BNIP3L: variants seen among roughly 807,000 people sequenced by gnomAD.
BNIP3L encodes the protein BCL2/adenovirus E1B 19 kDa protein-interacting protein 3-like.
A neutral mutation model predicts 25.5 loss-of-function variants in BNIP3L; 10 were observed. The observed-to-expected ratio is 0.39, with a 90% CI of 0.24 to 0.67. BNIP3L has a LOEUF of 0.67. Among genes scored for constraint, BNIP3L ranks in the 30% least tolerant of loss-of-function variants. The pLI is 0.45. For missense variants in BNIP3L, 215 were observed against 270.9 expected (o/e 0.79, Z 1.45); for synonymous variants, 113 against 101.2 (o/e 1.12, Z -0.70).
At position 26,412,639 on chromosome 8, in the gene BNIP3L, A is replaced by G. The variant is rs1372064328; in HGVS notation, c.*2227A>G. On this transcript the variant is annotated 3_prime_UTR_variant, in exon 6 of 6. Coordinates refer to ENST00000380629, the MANE Select transcript of BNIP3L (RefSeq NM_004331.3). ...TAGTATGTATCTGTAGCCCTAACAC[A>G]TGGGATGAACGTTTTACTGCTACAC... The G allele has an allele frequency of 1.3e-5, 2 of 152,636 alleles. No individual in the cohort carries two copies. The highest frequency in any genetic ancestry group is 2.4e-5 in the African/African-American group (1 of 41,466). 9.5% of individuals were successfully genotyped at this position (152,636 alleles called of 1,614,324 possible). A position where few individuals can be genotyped will look rare whatever the true frequency, so the allele number is the denominator to read the frequency against.
At position 26,411,842 on chromosome 8, in the gene BNIP3L, T is replaced by C. The variant is rs1261815473; in HGVS notation, c.*1430T>C. The C allele has an allele frequency of 6.6e-6, 1 of 152,602 alleles. No individual in the cohort carries two copies. The highest frequency in any genetic ancestry group is 1.5e-5 in the Non-Finnish European group (1 of 68,032). 9.5% of individuals were successfully genotyped at this position (152,602 alleles called of 1,614,324 possible). ...ACTGTTTATGATATAGACATTGATA[T>C]TGACTATTTAGAGAACCGTTGTTAA... On this transcript the variant is annotated 3_prime_UTR_variant, in exon 6 of 6. Transcript: ENST00000380629.
At position 26,386,368 on chromosome 8, in the gene BNIP3L, A is replaced by G. The variant is rs76317669; in HGVS notation, c.100+3138A>G. On this transcript the variant is annotated intron_variant, in intron 1 of 5. Transcript: ENST00000380629. ...AAGGAAAATCAAAGTAGTAGTGTAA[A>G]TCGTAGTATAATTCTTGTTGTTGAG... Among the ~76,000 whole-genome samples, 918 of 152,270 alleles carry G rather than the reference A, an allele frequency of 6.0e-3. 6 individuals are homozygous for G. The highest frequency in any genetic ancestry group is 0.02 in the African/African-American group (851 of 41,564).
chr8:26,386,105 G>A (rs2117462571), intron 1 of BNIP3L, among the ~76,000 whole-genome samples: 1 of 152,272 alleles, frequency 6.6e-6, no homozygotes, highest in African/African-American at 2.4e-5. Context: ...TTTATCTTTG[G>A]TTCAGGGGTC....
chr8:26,383,488 A>C, intron 1 of BNIP3L: 1 of 1,159,760 alleles, frequency 8.6e-7, no homozygotes, highest in Non-Finnish European at 1.1e-6. Context: ...GGTAGCGCGG[A>C]TCCCCCTGGT....
At chr8:26,409,115 T>C (rs1436282084) in intron 5 of BNIP3L, among the ~76,000 whole-genome samples, 1 of 152,146 alleles carries the variant, frequency 6.6e-6, no homozygotes, top group African/African-American at 2.4e-5. Context: ...GGTAGGTTGA[T>C]TGGTGCTAAT....
At chr8:26,409,675 C>G (rs1340878130) in intron 5 of BNIP3L, among the ~76,000 whole-genome samples, 1 of 152,132 alleles carries the variant, frequency 6.6e-6, no homozygotes, top group Non-Finnish European at 1.5e-5. Context: ...TATACCTTGC[C>G]GTCTCTCTTT....
At chr8:26,401,767 A>G (rs527625334) in intron 3 of BNIP3L, among the ~76,000 whole-genome samples, 2 of 152,284 alleles carry the variant, frequency 1.3e-5, no homozygotes, top group African/African-American at 4.8e-5. Context: ...AATATTGTTT[A>G]CTAGGAGTTG....
At chr8:26,401,372 C>G (rs1360239448) in intron 3 of BNIP3L, among the ~76,000 whole-genome samples, 2 of 148,466 alleles carry the variant, frequency 1.3e-5, no homozygotes, top group Non-Finnish European at 1.5e-5. Flanking sequence ...ACAATGAGAT[C>G]ACATGGACAC....
chr8:26,390,417 C>T, intron 1 of BNIP3L: 4 of 985,358 alleles, frequency 4.1e-6, no homozygotes, highest in Non-Finnish European at 4.8e-6. Flanking sequence ...TTGCCTGTAG[C>T]TGATGTGCAG....
At chr8:26,394,282 A>G (rs1201462309) in intron 2 of BNIP3L, among the ~76,000 whole-genome samples, 1 of 152,094 alleles carries the variant, frequency 6.6e-6, no homozygotes. Flanking sequence ...ATTTTGTGCA[A>G]TCATAAAGGT....
chr8:26,395,051 A>G (rs1806202921), intron 2 of BNIP3L, among the ~76,000 whole-genome samples, 179 bp from the exon 3 acceptor site: 1 of 152,234 alleles, frequency 6.6e-6, no homozygotes, highest in Non-Finnish European at 1.5e-5. Flanking sequence ...AAGAATGCTC[A>G]ATTTCATTTA....
rs1178725774 is a variant in BNIP3L at position 26,408,374 on chromosome 8, A to G, written c.609A>G (p.Leu203=). Residue 203 remains leucine, a splice_region_variant and synonymous_variant, in exon 5 of 6, where the codon CTA becomes CTG. Coordinates refer to ENST00000380629, the MANE Select transcript of BNIP3L (RefSeq NM_004331.3). ...LFLSHVLALG[L]GIYIGKRLST... Reference sequence around the variant, plus strand: ...TTTCTCATGTTTTGGCTTTGGGGCTAGGGTAAGTACCGGTCAACTCCTGAA... The same window carrying G: ...TTTCTCATGTTTTGGCTTTGGGGCTGGGGTAAGTACCGGTCAACTCCTGAA... 4 of 1,614,062 alleles carry G rather than the reference A, an allele frequency of 2.5e-6. No individual in the cohort carries two copies. The highest frequency in any genetic ancestry group is 1.7e-5 in the Admixed American group (1 of 60,020).
chr8:26,401,574 CAAAAA>C (rs34831973), intron 3 of BNIP3L, among the ~76,000 whole-genome samples: 1 of 61,250 alleles, frequency 1.6e-5, no homozygotes, highest in East Asian at 4.6e-4. Context: ...AAAAAAAAAA[CAAAAA>C]AAAAAACCTA....
intron 5 of BNIP3L, among the ~76,000 whole-genome samples, chr8:26,409,453 C>T (rs772732665): frequency 8.9e-4 from 136 of 152,182 alleles, no homozygotes; most frequent in Non-Finnish European, 1.7e-3. Context: ...CAGAAACTTG[C>T]ATACAGCTTT....
At position 26,383,446 on chromosome 8, in the gene BNIP3L, G is replaced by A. The variant is rs1388562939; in HGVS notation, c.100+216G>A. On this transcript the variant is annotated intron_variant, in intron 1 of 5. Transcript: ENST00000380629. ...TGCCTCCTGGGGTCTTGGGCCCGGG[G>A]CCGTTTGGGCTCGCGGTCCGGGAGC... 1.5e-5 allele frequency: 20 copies of A among 1,371,276 alleles called. No individual in the cohort carries two copies. In the South Asian group the frequency reaches 3.0e-4, roughly 20 times the overall value. 84.9% of individuals were successfully genotyped at this position (1,371,276 alleles called of 1,614,324 possible). A position where few individuals can be genotyped will look rare whatever the true frequency, so the allele number is the denominator to read the frequency against.
intron 5 of BNIP3L, 32 bp from the exon 6 acceptor site, chr8:26,410,332 A>G: frequency 6.2e-7 from 1 of 1,613,776 alleles, no homozygotes; most frequent in Non-Finnish European, 8.5e-7. Flanking sequence ...CTGTTGAAAC[A>G]GGTGAAACAT....
chr8:26,401,038 C>G (rs1298019405), intron 3 of BNIP3L, among the ~76,000 whole-genome samples: 2 of 138,772 alleles, frequency 1.4e-5, no homozygotes, highest in African/African-American at 5.2e-5. Flanking sequence ...ACTAGAAATA[C>G]CATTTGACCC....
At chr8:26,404,862 C>T (rs955471787) in intron 3 of BNIP3L, among the ~76,000 whole-genome samples, 4 of 152,158 alleles carry the variant, frequency 2.6e-5, no homozygotes, top group African/African-American at 9.7e-5. Flanking sequence ...ATTTTAAAAG[C>T]ACAAATCTTA....
chr8:26,390,936 C>T (rs868202723), intron 1 of BNIP3L, among the ~76,000 whole-genome samples: 1 of 151,890 alleles, frequency 6.6e-6, no homozygotes, highest in African/African-American at 2.4e-5. Flanking sequence ...TTTTGAAAAG[C>T]AACCTGAGTT....
Sources: gnomAD v4.1 joint callset for allele counts (sites outside exome capture counted in the v4.1 genomes callset) on GRCh38, gnomAD v4.1.1 for gene constraint, MANE v1.5 for transcripts, NCBI Gene and HGNC (gene_info 2026-07-23, HGNC 2026-07-21) for gene names.